SIK3: variants seen among roughly 807,000 people sequenced by gnomAD.
SIK3 encodes the protein SIK family kinase 3.
A neutral mutation model predicts 144.2 loss-of-function variants in SIK3; 28 were observed. That is an observed-to-expected ratio of 0.19 (90% confidence interval 0.14 to 0.27). The LOEUF is 0.27. Ranked by LOEUF, SIK3 falls within the 10% of genes least tolerant of loss-of-function variation. The pLI, the probability that SIK3 is intolerant of heterozygous loss-of-function variation, is 1.00. For synonymous variants in SIK3, 686 were observed against 676.3 expected (o/e 1.01, Z -0.22); for missense variants, 1,319 against 1,776.0 (o/e 0.74, Z 4.62).
chr11:116,934,408 A>C (rs1947790104), intron 3 of SIK3, among the ~76,000 whole-genome samples: 1 of 152,226 alleles, frequency 6.6e-6, no homozygotes, highest in Non-Finnish European at 1.5e-5. Context: ...AGTCTTCCCA[A>C]CTAATCTAAA....
intron 1 of SIK3, among the ~76,000 whole-genome samples, chr11:117,016,460 C>G (rs1280681348): frequency 1.5e-5 from 2 of 129,152 alleles, no homozygotes; most frequent in Admixed American, 7.5e-5. Flanking sequence ...CATGACCTAT[C>G]TATTTTTGGG....
At chr11:117,043,400 C>T (rs1432129310) in intron 1 of SIK3, among the ~76,000 whole-genome samples, 1 of 152,174 alleles carries the variant, frequency 6.6e-6, no homozygotes, top group African/African-American at 2.4e-5. Context: ...TGGATACTTA[C>T]ACTGCAGTCT....
At chr11:117,016,942 A>T (rs1048246624) in intron 1 of SIK3, among the ~76,000 whole-genome samples, 2 of 152,382 alleles carry the variant, frequency 1.3e-5, no homozygotes, top group Admixed American at 1.3e-4. Flanking sequence ...GAAAAAGAAC[A>T]AACTACTGCT....
intron 4 of SIK3, among the ~76,000 whole-genome samples, chr11:116,917,437 C>T (rs1946704854): frequency 6.6e-6 from 1 of 152,120 alleles, no homozygotes; most frequent in Non-Finnish European, 1.5e-5. Context: ...AGGCTGGGCA[C>T]AGTAGCTCAT....
At chr11:117,016,155 G>A (rs1185294810) in intron 1 of SIK3, among the ~76,000 whole-genome samples, 2 of 151,532 alleles carry the variant, frequency 1.3e-5, no homozygotes, top group East Asian at 1.9e-4. Flanking sequence ...ATGAAACCCC[G>A]TCTTTACAAA....
chr11:116,881,568 A>G (rs1047136022), intron 6 of SIK3, among the ~76,000 whole-genome samples: 2 of 152,292 alleles, frequency 1.3e-5, no homozygotes, highest in Middle Eastern at 6.8e-3. Context: ...TTGATAATAA[A>G]ACAAATTTCT....
chr11:116,972,574 T>C (rs938350214), intron 1 of SIK3, among the ~76,000 whole-genome samples: 5 of 152,166 alleles, frequency 3.3e-5, no homozygotes, highest in African/African-American at 9.7e-5. Context: ...ACCAGCTCTA[T>C]TGGGTTAAAC....
rs1239588684 is a variant in SIK3 at position 117,098,306 on chromosome 11, G to A, written c.110C>T (p.Ala37Val). The A allele has an allele frequency of 2.5e-6, 3 of 1,178,154 alleles. No homozygotes were observed. Among genetic ancestry groups the A allele is most frequent in the Non-Finnish European group, 3.1e-6 (3 of 955,572 alleles). The allele number at this position is 1,178,154 out of a possible 1,614,324, so 73.0% of individuals were successfully genotyped here. A position where few individuals can be genotyped will look rare whatever the true frequency, so the allele number is the denominator to read the frequency against. The change falls in exon 1 of 25, where the codon GCC (alanine) becomes GTC (valine). Residue 37 changes from alanine to valine, a missense_variant. Coordinates refer to ENST00000445177, the MANE Select transcript of SIK3 (RefSeq NM_001366686.3). ...GGCCGCAGGGGACACGGCAGCGGGG[G>A]CGGCTGGGGACCCCGGCGCGGGCGG... The part of the protein sequence containing the change: ...LPPPAPGSPA[A>V]PAAVSPAAGQ...
chr11:117,069,611 T>C (rs748961274), intron 1 of SIK3, among the ~76,000 whole-genome samples: 37 of 152,188 alleles, frequency 2.4e-4, no homozygotes, highest in Non-Finnish European at 4.4e-4. Flanking sequence ...TGTGGTCTTT[T>C]ACCCCTTCAA....
chr11:117,086,682 C>T (rs1348914280), intron 1 of SIK3, among the ~76,000 whole-genome samples: 1 of 147,762 alleles, frequency 6.8e-6, no homozygotes, highest in Admixed American at 6.8e-5. Context: ...CAGAGTGAGA[C>T]TCCGTCTCAA....
At position 117,051,216 on chromosome 11, in the gene SIK3, G is replaced by A. The variant is rs373273616; in HGVS notation, c.273+46927C>T. The stretch of plus-strand genomic sequence containing the variant: ...GGACATCAAAGCTCCTGGTTCTTGG[G>A]TCTTTGGACTCCAGGACTTACACCA... On this transcript the variant is annotated intron_variant, in intron 1 of 24. Coordinates refer to ENST00000445177, the MANE Select transcript of SIK3 (RefSeq NM_001366686.3). Among the ~76,000 whole-genome samples the A allele has an allele frequency of 5.3e-4, 80 of 152,174 alleles. 1 individual carries two copies. Among genetic ancestry groups the A allele is most frequent in the Admixed American group, 2.2e-3 (33 of 15,284 alleles).
chr11:116,887,354 C>T (rs1195228725), intron 6 of SIK3, among the ~76,000 whole-genome samples: 2 of 151,590 alleles, frequency 1.3e-5, no homozygotes, highest in African/African-American at 4.9e-5. Flanking sequence ...CGGTGGCTCA[C>T]GTCTGTAATC....
Position 117,086,855 on chromosome 11 carries a change from T to G in SIK3, c.273+11288A>C, listed in dbSNP as rs374269867. On this transcript the variant is annotated intron_variant, in intron 1 of 24. Transcript: ENST00000445177. ...ACTAAAAATACAAAAATTAGCCAGG[T>G]GTGGTGGCACGTGCCTGTAATCCTA... 5.3e-5 allele frequency among the ~76,000 whole-genome samples: 8 copies of G among 151,520 alleles called. 1 individual carries two copies. The East Asian group carries it at 7.8e-4, about 15-fold the overall frequency.
At chr11:116,852,288 G>C (rs1942524875) in intron 21 of SIK3, among the ~76,000 whole-genome samples, 1 of 152,128 alleles carries the variant, frequency 6.6e-6, no homozygotes. Context: ...CCCTCCTTTG[G>C]GCTCTGCCTT....
chr11:116,892,518 T>C (rs938476717), intron 6 of SIK3, among the ~76,000 whole-genome samples: 1 of 152,148 alleles, frequency 6.6e-6, no homozygotes, highest in African/African-American at 2.4e-5. Flanking sequence ...AACAATGAAA[T>C]ATCACTATAT....
intron 1 of SIK3, among the ~76,000 whole-genome samples, chr11:117,038,009 T>G (rs1300194106): frequency 6.6e-6 from 1 of 152,250 alleles, no homozygotes; most frequent in South Asian, 2.1e-4. Flanking sequence ...TTTTTTGTTG[T>G]GTACTATGGG....
chr11:116,882,277 T>A (rs1024733164), intron 6 of SIK3, among the ~76,000 whole-genome samples: 1 of 152,208 alleles, frequency 6.6e-6, no homozygotes, highest in African/African-American at 2.4e-5. Flanking sequence ...ATTTTGCTGG[T>A]GAGGATTAAA....
At chr11:117,052,813 A>T (rs781681347) in intron 1 of SIK3, among the ~76,000 whole-genome samples, 1 of 152,238 alleles carries the variant, frequency 6.6e-6, no homozygotes, top group Non-Finnish European at 1.5e-5. Flanking sequence ...GCTAAGGTCC[A>T]ATCCCAAACA....
At chr11:116,949,671 A>G (rs1405792975) in intron 3 of SIK3, among the ~76,000 whole-genome samples, 3 of 152,202 alleles carry the variant, frequency 2.0e-5, no homozygotes, top group Non-Finnish European at 4.4e-5. Context: ...AGCTCTTTCT[A>G]AATTAATTCA....
Sources: gnomAD v4.1 joint callset for allele counts (sites outside exome capture counted in the v4.1 genomes callset) on GRCh38, gnomAD v4.1.1 for gene constraint, MANE v1.5 for transcripts, NCBI Gene and HGNC (gene_info 2026-07-23, HGNC 2026-07-21) for gene names.